PPME1: variants seen among roughly 807,000 people sequenced by gnomAD.
The protein encoded by PPME1 is protein phosphatase methylesterase 1.
In PPME1, 17 loss-of-function variants were observed where a neutral mutation model predicts 56.9. That is an observed-to-expected ratio of 0.30 (90% CI 0.20 to 0.45). PPME1 has a LOEUF of 0.45. Among genes scored for constraint, PPME1 ranks in the 20% least tolerant of loss-of-function variants. The pLI, the probability that PPME1 is intolerant of heterozygous loss-of-function variation, is 1.00. For synonymous variants in PPME1, 122 were observed against 156.2 expected, an observed-to-expected ratio of 0.78 and a Z score of 1.63; for missense variants, 357 against 483.2, an observed-to-expected ratio of 0.74 and a Z score of 2.45.
intron 8 of PPME1, among the ~76,000 whole-genome samples, chr11:74,237,239 C>G (rs937908593): frequency 2.5e-4 from 38 of 149,648 alleles, no homozygotes; most frequent in African/African-American, 9.1e-4. Context: ...GGTGATGTTG[C>G]GTACTGCCAT....
Position 74,251,628 on chromosome 11 carries a change from A to G in PPME1, c.1075-20A>G. On this transcript the variant is annotated intron_variant, in intron 12 of 13. Coordinates refer to ENST00000328257, the MANE Select transcript of PPME1 (RefSeq NM_016147.3). The stretch of plus-strand genomic sequence containing the variant: ...CATCACTAACCTTTATATGGCCTGG[A>G]ATATCTCTCCCATTTCCAGGTAGCT... 1 of 1,611,750 alleles carries G rather than the reference A, an allele frequency of 6.2e-7. No homozygotes were observed. The highest frequency in any genetic ancestry group is 8.5e-7 in the Non-Finnish European group (1 of 1,179,014).
chr11:74,222,473 T>G, intron 4 of PPME1, 104 bp downstream of exon 4: 1 of 1,017,374 alleles, frequency 9.8e-7, no homozygotes, highest in Non-Finnish European at 1.5e-6. Context: ...AATAACCTGG[T>G]CTATTCCATT....
chr11:74,203,885 G>C, intron 2 of PPME1, 64 bp downstream of exon 2: 3 of 1,201,056 alleles, frequency 2.5e-6, no homozygotes, highest in Non-Finnish European at 3.5e-6. Flanking sequence ...TAAAAGACTT[G>C]TGTAGTTTCT....
At chr11:74,245,872 G>A (rs1859489517) in intron 9 of PPME1, among the ~76,000 whole-genome samples, 1 of 152,082 alleles carries the variant, frequency 6.6e-6, no homozygotes. Context: ...AAGTAAACTT[G>A]TAATTATCTT....
At chr11:74,252,586 A>G in intron 13 of PPME1, 1 of 453,308 alleles carries the variant, frequency 2.2e-6, no homozygotes, top group South Asian at 1.6e-5. Flanking sequence ...CTTTATTGAC[A>G]TTTTGAGGTG....
chr11:74,205,551 C>T (rs1159797172), intron 3 of PPME1: 2 of 152,128 alleles, frequency 1.3e-5, no homozygotes, highest in Non-Finnish European at 1.5e-5. Context: ...TGAGGAAGTC[C>T]CTGAACATAG....
At position 74,230,682 on chromosome 11, in the gene PPME1, T is replaced by G. The variant is rs1417788833; in HGVS notation, c.554-230T>G. On this transcript the variant is annotated intron_variant, in intron 6 of 13. Coordinates refer to ENST00000328257, the MANE Select transcript of PPME1 (RefSeq NM_016147.3). This position sits in a 1 kb window ranked among gnomAD's most constrained non-coding sequence, Gnocchi z 4.9. ...CTGCCATGTCTTTTCTGACCCAGCTTCAGAAGTCACACTGCTGCTTGTGAA... is the reference window on the plus strand; with the variant it reads ...CTGCCATGTCTTTTCTGACCCAGCTGCAGAAGTCACACTGCTGCTTGTGAA... The G allele has an allele frequency of 1.0e-5, 6 of 597,364 alleles. No homozygotes were observed. The highest frequency in any genetic ancestry group is 1.7e-5 in the Non-Finnish European group (6 of 345,152). 37.0% of individuals were successfully genotyped at this position (597,364 alleles called of 1,614,324 possible).
At chr11:74,200,075 T>C (rs1858110708) in intron 1 of PPME1, among the ~76,000 whole-genome samples, 1 of 152,256 alleles carries the variant, frequency 6.6e-6, no homozygotes, top group Non-Finnish European at 1.5e-5. Context: ...ACTTTAAAAT[T>C]CTTTCATTAC....
chr11:74,196,653 A>AGGT (rs2135612076), intron 1 of PPME1, among the ~76,000 whole-genome samples: 1 of 56,026 alleles, frequency 1.8e-5, no homozygotes, highest in East Asian at 7.3e-4. Flanking sequence ...TAAGAAAGTA[A>AGGT]AGTGAAAGAA....
intron 1 of PPME1, among the ~76,000 whole-genome samples, chr11:74,176,415 T>A (rs1016145931): frequency 1.3e-5 from 2 of 152,008 alleles, no homozygotes; most frequent in African/African-American, 4.8e-5. Context: ...ACTAAAATAA[T>A]CAAATCCCAG....
At chr11:74,223,946 A>T (rs1858867500) in intron 4 of PPME1, among the ~76,000 whole-genome samples, 1 of 151,132 alleles carries the variant, frequency 6.6e-6, no homozygotes, top group African/African-American at 2.4e-5. Flanking sequence ...TCTTTAGTTT[A>T]ATTAGATCCC....
chr11:74,226,884 A>G (rs1359020287), intron 5 of PPME1, among the ~76,000 whole-genome samples: 4 of 152,208 alleles, frequency 2.6e-5, no homozygotes, highest in African/African-American at 4.8e-5. Context: ...TAATATAGGA[A>G]TAGCAGATAT....
chr11:74,213,469 C>T (rs1246839076), intron 3 of PPME1, among the ~76,000 whole-genome samples: 1 of 152,174 alleles, frequency 6.6e-6, no homozygotes, highest in African/African-American at 2.4e-5. Flanking sequence ...ATTATGGAGC[C>T]CTAGGGCCTT....
intron 9 of PPME1, among the ~76,000 whole-genome samples, chr11:74,241,528 A>G (rs1236866268): frequency 6.6e-6 from 1 of 152,206 alleles, no homozygotes; most frequent in Non-Finnish European, 1.5e-5. Flanking sequence ...CTGATCGATC[A>G]TATGGTAACT....
At chr11:74,227,854 TA>T (rs1273363650) in intron 5 of PPME1, among the ~76,000 whole-genome samples, 1 of 152,146 alleles carries the variant, frequency 6.6e-6, no homozygotes. Context: ...TGATCGTAAC[TA>T]CCTTCTACCT....
intron 1 of PPME1, among the ~76,000 whole-genome samples, chr11:74,194,530 G>A (rs921647992): frequency 1.3e-5 from 2 of 151,452 alleles, no homozygotes; most frequent in South Asian, 2.1e-4. Flanking sequence ...TAAGAAGAAC[G>A]AATGACTATA....
At chr11:74,187,659 T>G (rs1039389191) in intron 1 of PPME1, among the ~76,000 whole-genome samples, 6 of 152,218 alleles carry the variant, frequency 3.9e-5, no homozygotes, top group African/African-American at 1.4e-4. Flanking sequence ...CCCTACACAT[T>G]TTAACATGTA....
chr11:74,177,497 T>C (rs1857429714), intron 1 of PPME1, among the ~76,000 whole-genome samples: 1 of 152,150 alleles, frequency 6.6e-6, no homozygotes, highest in East Asian at 1.9e-4. Flanking sequence ...ATGACACCTT[T>C]GTCATATGCC....
chr11:74,211,605 G>T (rs1858476801), intron 3 of PPME1, among the ~76,000 whole-genome samples: 2 of 152,082 alleles, frequency 1.3e-5, no homozygotes, highest in Admixed American at 1.3e-4. Flanking sequence ...ATAAATAAAA[G>T]ATTAATTTGA....
Sources: allele counts gnomAD v4.1 joint callset (sites outside exome capture counted in the v4.1 genomes callset), GRCh38; gene constraint gnomAD v4.1.1; non-coding constraint Gnocchi (gnomAD v3.1); transcripts MANE v1.5; gene names NCBI Gene and HGNC (gene_info 2026-07-23, HGNC 2026-07-21).